The following ZDHHC14 variants were observed in gnomAD, a reference collection of about 807,000 sequenced individuals.
The protein encoded by ZDHHC14 is zDHHC palmitoyltransferase 14.
In ZDHHC14, 16 loss-of-function variants were observed where a neutral mutation model predicts 47.7. The ratio of observed to expected loss-of-function variants is 0.34; its 90% CI spans 0.23 to 0.51. The LOEUF (loss-of-function observed/expected upper bound fraction) is 0.51, where lower values mean the gene tolerates loss of function less well. Ranked by LOEUF, ZDHHC14 falls within the 20% of genes least tolerant of loss-of-function variation. The pLI, the probability that ZDHHC14 is intolerant of heterozygous loss-of-function variation, is 0.97. For missense variants in ZDHHC14, 515 were observed against 662.5 expected (o/e 0.78, Z 2.44); for synonymous variants, 293 against 278.9 (o/e 1.05, Z -0.50).
intron 1 of ZDHHC14, among the ~76,000 whole-genome samples, chr6:157,401,487 G>A (rs1167559707): frequency 1.3e-5 from 2 of 152,186 alleles, no homozygotes; most frequent in African/African-American, 4.8e-5. Flanking sequence ...CGCACCTGCT[G>A]AGGTCACCCT....
intron 1 of ZDHHC14, among the ~76,000 whole-genome samples, chr6:157,538,686 C>T (rs1226983923): frequency 6.6e-6 from 1 of 152,074 alleles, no homozygotes; most frequent in East Asian, 1.9e-4. Context: ...CAAAGAAAAA[C>T]ACGGTGGGGG....
chr6:157,625,253 G>T (rs1254917318), intron 3 of ZDHHC14, among the ~76,000 whole-genome samples: 1 of 152,146 alleles, frequency 6.6e-6, no homozygotes, highest in Admixed American at 6.5e-5. Context: ...GGATGTGGGG[G>T]TGAGAGAAAG....
At chr6:157,415,677 C>A (rs1384374033) in intron 1 of ZDHHC14, among the ~76,000 whole-genome samples, 1 of 152,048 alleles carries the variant, frequency 6.6e-6, no homozygotes, top group Non-Finnish European at 1.5e-5. Flanking sequence ...GAGTTTGAGA[C>A]CAGCCTGGCC....
At chr6:157,563,878 C>T (rs1782804845) in intron 2 of ZDHHC14, among the ~76,000 whole-genome samples, 1 of 152,236 alleles carries the variant, frequency 6.6e-6, no homozygotes, top group African/African-American at 2.4e-5. Context: ...ACAGTGTGCT[C>T]TGGTGGGCTC....
intron 2 of ZDHHC14, among the ~76,000 whole-genome samples, chr6:157,546,745 A>T (rs1781987368): frequency 6.6e-6 from 1 of 152,134 alleles, no homozygotes; most frequent in African/African-American, 2.4e-5. Flanking sequence ...AATGACAAAA[A>T]CTGTACTAGA....
At chr6:157,613,157 A>G (rs1022237464) in intron 3 of ZDHHC14, among the ~76,000 whole-genome samples, 1 of 152,202 alleles carries the variant, frequency 6.6e-6, no homozygotes, top group Admixed American at 6.5e-5. Flanking sequence ...TATCTACTCA[A>G]CAGATATCGG....
At chr6:157,669,922 A>T (rs991253298) in intron 8 of ZDHHC14, among the ~76,000 whole-genome samples, 4 of 152,244 alleles carry the variant, frequency 2.6e-5, no homozygotes, top group East Asian at 3.8e-4. Context: ...CGAAACGGTG[A>T]TGTTCATAAA....
chr6:157,643,080 C>T (rs189477716), intron 5 of ZDHHC14, among the ~76,000 whole-genome samples: 27 of 152,350 alleles, frequency 1.8e-4, no homozygotes, highest in Admixed American at 1.8e-3. Flanking sequence ...GCCTCAGTTT[C>T]CCTGTGTGTT....
intron 2 of ZDHHC14, among the ~76,000 whole-genome samples, chr6:157,564,381 C>T (rs954908704): frequency 9.9e-5 from 15 of 152,178 alleles, no homozygotes; most frequent in African/African-American, 3.6e-4. Flanking sequence ...TCAGAGGCAT[C>T]AGTATGTCTA....
At chr6:157,559,325 C>T (rs567245041) in intron 2 of ZDHHC14, among the ~76,000 whole-genome samples, 14 of 152,234 alleles carry the variant, frequency 9.2e-5, no homozygotes, top group African/African-American at 3.4e-4. Flanking sequence ...GCTGATGTGG[C>T]AACAGTCGGC....
chr6:157,387,055 C>G (rs1358732521), intron 1 of ZDHHC14, among the ~76,000 whole-genome samples: 1 of 152,194 alleles, frequency 6.6e-6, no homozygotes, highest in African/African-American at 2.4e-5. Context: ...GCATTCTACA[C>G]TGCCACCACA....
chr6:157,393,520 T>C (rs1176064272), intron 1 of ZDHHC14, among the ~76,000 whole-genome samples: 2 of 152,230 alleles, frequency 1.3e-5, no homozygotes, highest in African/African-American at 4.8e-5. Context: ...CAGCGTCTAT[T>C]GGAGATGTTA....
rs1304556009 is a variant in ZDHHC14 at position 157,502,038 on chromosome 6, T to A, written c.246-40547T>A. On this transcript the variant is annotated intron_variant, in intron 1 of 8. Transcript: ENST00000359775. This position sits in a 1 kb window ranked among gnomAD's most constrained non-coding sequence, Gnocchi z 4.0. ...AACACCACAGATATGTACGGAGCAC[T>A]TATGATGTATTCTCATAATCCACCC... Among the ~76,000 whole-genome samples the A allele has an allele frequency of 1.3e-5, 2 of 152,218 alleles. No individual in the cohort carries two copies. The highest frequency in any genetic ancestry group is 4.8e-5 in the African/African-American group (2 of 41,462).
In ZDHHC14 at chr6:157,450,998, T is replaced by TTGTGTGTGTGTGTGTGTG. The variant is rs34066002; in HGVS notation, c.245+68748_245+68765dup. Among the ~76,000 whole-genome samples, 190 of 147,630 alleles carry TTGTGTGTGTGTGTGTGTG rather than the reference T, an allele frequency of 1.3e-3. 1 individual carries two copies. Among genetic ancestry groups the TTGTGTGTGTGTGTGTGTG allele is most frequent in the Admixed American group, 6.5e-3 (96 of 14,720 alleles). ...AAATTTTGATGTCAAAAGTCTGGTCTTGTGTGTGTGTGTGTGTGTGTGTGT... is the reference window on the plus strand; with the variant it reads ...AAATTTTGATGTCAAAAGTCTGGTCTTGTGTGTGTGTGTGTGTGTGTGTGTGTGTGTGTGTGTGTGTGT... On this transcript the variant is annotated intron_variant, in intron 1 of 8. Coordinates refer to ENST00000359775, the MANE Select transcript of ZDHHC14 (RefSeq NM_024630.3).
intron 1 of ZDHHC14, among the ~76,000 whole-genome samples, chr6:157,529,527 A>G (rs754384841): frequency 6.6e-6 from 1 of 152,232 alleles, no homozygotes; most frequent in Non-Finnish European, 1.5e-5. Flanking sequence ...GCGGAGCCCA[A>G]GAGAAATGTT....
intron 1 of ZDHHC14, among the ~76,000 whole-genome samples, chr6:157,510,902 G>A (rs1780451994): frequency 6.6e-6 from 1 of 152,328 alleles, no homozygotes; most frequent in Admixed American, 6.5e-5. Context: ...TAACCATACC[G>A]GGGCTGCTTC....
intron 1 of ZDHHC14, among the ~76,000 whole-genome samples, chr6:157,542,279 A>C (rs1781794422): frequency 6.6e-6 from 1 of 152,128 alleles, no homozygotes; most frequent in Non-Finnish European, 1.5e-5. Flanking sequence ...CTATTTATAC[A>C]AGCTCTGTGC....
At chr6:157,558,750 A>G (rs1253342851) in intron 2 of ZDHHC14, among the ~76,000 whole-genome samples, 1 of 151,660 alleles carries the variant, frequency 6.6e-6, no homozygotes, top group African/African-American at 2.4e-5. Flanking sequence ...TTGGGATGGC[A>G]TTTTGCAAAA....
chr6:157,554,893 CAGGCTG>C (rs1782393778), intron 2 of ZDHHC14, among the ~76,000 whole-genome samples: 1 of 152,220 alleles, frequency 6.6e-6, no homozygotes, highest in Non-Finnish European at 1.5e-5. Context: ...GGGTCAGTTA[CAGGCTG>C]AGTCCCCTGT....
Sources: allele counts gnomAD v4.1 joint callset (sites outside exome capture counted in the v4.1 genomes callset), GRCh38; gene constraint gnomAD v4.1.1; non-coding constraint Gnocchi (gnomAD v3.1); transcripts MANE v1.5; gene names NCBI Gene and HGNC (gene_info 2026-07-23, HGNC 2026-07-21).